The following TLN2 variants were observed in gnomAD, a reference collection of about 807,000 sequenced individuals.
TLN2 encodes the protein talin-2.
Under a neutral mutation model 294.7 loss-of-function variants are expected in TLN2, and 118 were observed. The observed-to-expected ratio is 0.40, with a 90% CI of 0.34 to 0.47. The LOEUF (loss-of-function observed/expected upper bound fraction) is 0.47. TLN2 is among the 20% of genes least tolerant of loss of function. TLN2 has a pLI of 0.84. For missense variants in TLN2, 3,083 were observed against 3,282.2 expected, an observed-to-expected ratio of 0.94 and a Z score of 1.48; for synonymous variants, 1,431 against 1,304.5, an observed-to-expected ratio of 1.10 and a Z score of -2.09.
chr15:62,737,067 G>C lies in TLN2; in HGVS notation c.3548G>C (p.Arg1183Pro), dbSNP rs141736961. The part of the protein sequence containing the change: ...QALIAPGDAE[R>P]QQRLAQVAKA... Reference sequence around the variant, plus strand: ...CTGATTGCACCTGGAGATGCAGAGCGTCAACAAAGACTGGCTCAGGTGAGG... The same window carrying C: ...CTGATTGCACCTGGAGATGCAGAGCCTCAACAAAGACTGGCTCAGGTGAGG... The change falls in exon 29 of 59, where the codon CGT becomes CCT. Residue 1183 changes from arginine (R) to proline (P), a missense_variant. Transcript: ENST00000636159. 2 of 1,614,102 alleles carry C rather than the reference G, an allele frequency of 1.2e-6. No homozygotes were observed. The highest frequency in any genetic ancestry group is 1.7e-5 in the Admixed American group (1 of 60,010).
intron 1 of TLN2, among the ~76,000 whole-genome samples, chr15:62,437,311 T>A (rs1270351201): frequency 6.6e-6 from 1 of 152,168 alleles, no homozygotes; most frequent in Non-Finnish European, 1.5e-5. Context: ...CATACAAGTT[T>A]CATCTTTAGT....
chr15:62,485,852 T>C (rs1333507022), intron 1 of TLN2, among the ~76,000 whole-genome samples: 1 of 152,124 alleles, frequency 6.6e-6, no homozygotes, highest in African/African-American at 2.4e-5. Context: ...AGGGGCACCA[T>C]CACCTGGGTC....
chr15:62,786,586 G>A (rs748210269), intron 45 of TLN2, among the ~76,000 whole-genome samples: 10 of 152,160 alleles, frequency 6.6e-5, no homozygotes, highest in Non-Finnish European at 7.3e-5. Flanking sequence ...AAGATTTAGC[G>A]ACAACAGCTT....
intron 1 of TLN2, among the ~76,000 whole-genome samples, chr15:62,588,665 C>CATATACATAT (rs1491268174): frequency 1.4e-4 from 10 of 71,450 alleles, no homozygotes; most frequent in Non-Finnish European, 1.9e-4. Flanking sequence ...ACATTTTTTT[C>CATATACATAT]ATATATATAT....
chr15:62,563,360 T>C (rs1429930480), intron 1 of TLN2, among the ~76,000 whole-genome samples: 1 of 152,246 alleles, frequency 6.6e-6, no homozygotes, highest in Non-Finnish European at 1.5e-5. Context: ...ACGTTGAGCA[T>C]TTTGTTCATT....
chr15:62,434,485 G>A (rs904444971), intron 1 of TLN2, among the ~76,000 whole-genome samples: 2 of 151,882 alleles, frequency 1.3e-5, no homozygotes, highest in Non-Finnish European at 2.9e-5. Flanking sequence ...TTGTGCATGC[G>A]CGCGCTCTTT....
intron 1 of TLN2, among the ~76,000 whole-genome samples, chr15:62,476,661 G>A (rs1402408855): frequency 1.3e-5 from 2 of 152,158 alleles, no homozygotes; most frequent in African/African-American, 4.8e-5. Flanking sequence ...CCAAACCTAC[G>A]AGTCCTGATT....
intron 11 of TLN2, among the ~76,000 whole-genome samples, chr15:62,676,724 C>A (rs1383245904): frequency 6.6e-6 from 1 of 152,192 alleles, no homozygotes; most frequent in Non-Finnish European, 1.5e-5. Context: ...AAGCCATTCT[C>A]CTGCCTCACC....
intron 1 of TLN2, among the ~76,000 whole-genome samples, chr15:62,476,669 A>T (rs933626458): frequency 2.0e-5 from 3 of 152,108 alleles, no homozygotes; most frequent in Non-Finnish European, 4.4e-5. Context: ...ACGAGTCCTG[A>T]TTCTCTTCTT....
At chr15:62,472,490 C>G (rs758558640) in intron 1 of TLN2, among the ~76,000 whole-genome samples, 3 of 152,178 alleles carry the variant, frequency 2.0e-5, no homozygotes, top group Non-Finnish European at 4.4e-5. Context: ...GCACTTCTCC[C>G]GTGCTTCAGC....
chr15:62,839,364 T>C (rs894310363), intron 58 of TLN2, among the ~76,000 whole-genome samples: 1 of 152,184 alleles, frequency 6.6e-6, no homozygotes, highest in African/African-American at 2.4e-5. Context: ...TTTTTGTGAG[T>C]AGCATTTGCC....
At chr15:62,636,246 TGTA>T (rs1334096811) in intron 3 of TLN2, among the ~76,000 whole-genome samples, 1 of 99,528 alleles carries the variant, frequency 1.0e-5, no homozygotes, top group Non-Finnish European at 2.1e-5. Context: ...TCAGGGATAC[TGTA>T]ATAGATAGAT....
Position 62,674,837 on chromosome 15 carries a change from C to T in TLN2, c.853-380C>T, listed in dbSNP as rs189490803. On this transcript the variant is annotated intron_variant, in intron 10 of 58. Coordinates refer to ENST00000636159, the MANE Select transcript of TLN2 (RefSeq NM_015059.3). ...GGATGGATGTTAGAATGACACCTCT[C>T]CTGATAAGAACTTTTTCTTGGTATC... 9.9e-5 allele frequency among the ~76,000 whole-genome samples: 15 copies of T among 152,272 alleles called. No individual in the cohort carries two copies. The East Asian group carries it at 2.3e-3, about 24-fold the overall frequency.
At chr15:62,800,882 GA>G in intron 50 of TLN2, 113 bp downstream of exon 50, 1 of 800,606 alleles carries the variant, frequency 1.2e-6, no homozygotes, top group Non-Finnish European at 2.0e-6. Context: ...CCTGAACTGA[GA>G]ATGCCCCTTC....
intron 1 of TLN2, among the ~76,000 whole-genome samples, chr15:62,404,385 A>G (rs1182670335): frequency 6.6e-6 from 1 of 152,084 alleles, no homozygotes; most frequent in East Asian, 1.9e-4. Context: ...ATGGACCTTA[A>G]TGTTCTGGTG....
chr15:62,689,066 C>CT (rs1268915635), intron 12 of TLN2, among the ~76,000 whole-genome samples: 4 of 136,092 alleles, frequency 2.9e-5, no homozygotes, highest in Non-Finnish European at 6.2e-5. Flanking sequence ...ATTTCTCTCT[C>CT]TCTTTTTTTT....
intron 1 of TLN2, among the ~76,000 whole-genome samples, chr15:62,437,232 T>G (rs947891550): frequency 5.9e-5 from 9 of 152,340 alleles, no homozygotes; most frequent in African/African-American, 1.7e-4. Context: ...TACAGCCTGC[T>G]AGAGGTCTAG....
chr15:62,598,057 C>G lies in TLN2; in HGVS notation c.-162+8295C>G, dbSNP rs533804848. Among the ~76,000 whole-genome samples the G allele has an allele frequency of 2.6e-5, 4 of 152,286 alleles. No homozygotes were observed. In the South Asian group the frequency reaches 8.3e-4, roughly 32 times the overall value. The stretch of plus-strand genomic sequence containing the variant: ...GTCGTGTGTTGGATGGGGCAGTGGC[C>G]TGATCTATAAAATTTGCCATCATTT... On this transcript the variant is annotated intron_variant, in intron 2 of 58. Coordinates refer to ENST00000636159, the MANE Select transcript of TLN2 (RefSeq NM_015059.3).
chr15:62,669,485 A>G (rs923984884), intron 9 of TLN2, among the ~76,000 whole-genome samples: 4 of 152,248 alleles, frequency 2.6e-5, no homozygotes, highest in African/African-American at 9.6e-5. Flanking sequence ...GGCCATGCTT[A>G]AAAGGCTGGC....
Sources: gnomAD v4.1 joint callset for allele counts (sites outside exome capture counted in the v4.1 genomes callset) on GRCh38, gnomAD v4.1.1 for gene constraint, MANE v1.5 for transcripts, NCBI Gene and HGNC (gene_info 2026-07-23, HGNC 2026-07-21) for gene names.